The following BMF variants were observed in gnomAD, a reference collection of about 807,000 sequenced individuals.
BMF encodes the protein Bcl2 modifying factor.
A neutral mutation model predicts 22.0 loss-of-function variants in BMF; 10 were observed. The ratio of observed to expected loss-of-function variants is 0.45; its 90% confidence interval spans 0.28 to 0.77. The LOEUF (loss-of-function observed/expected upper bound fraction) is 0.77, where lower values mean the gene tolerates loss of function less well. Among genes scored for constraint, BMF ranks in the 30% least tolerant of loss-of-function variants. The pLI, the probability that BMF is intolerant of heterozygous loss-of-function variation, is 0.13. For synonymous variants in BMF, 87 were observed against 88.1 expected (o/e 0.99, Z 0.07); for missense variants, 206 against 226.8 (o/e 0.91, Z 0.59).
chr15:40,097,113 G>T (rs761487608), intron 4 of BMF, among the ~76,000 whole-genome samples: 1 of 152,172 alleles, frequency 6.6e-6, no homozygotes. Context: ...AGGAAGCTAG[G>T]AAGATGTTTT....
intron 3 of BMF, among the ~76,000 whole-genome samples, chr15:40,104,678 C>T (rs1309621981): frequency 2.0e-5 from 3 of 152,192 alleles, no homozygotes; most frequent in Non-Finnish European, 4.4e-5. Context: ...TGGTTATTCA[C>T]GTAGTAGCAG....
intron 4 of BMF, 90 bp from the exon 5 acceptor site, chr15:40,091,978 C>G: frequency 3.0e-6 from 3 of 1,015,428 alleles, no homozygotes; most frequent in Non-Finnish European, 4.5e-6. Flanking sequence ...TTCAGATCTC[C>G]AAGTCTCACG....
At chr15:40,107,834 A>C (rs2036619900) in intron 2 of BMF, among the ~76,000 whole-genome samples, 1 of 151,690 alleles carries the variant, frequency 6.6e-6, no homozygotes, top group African/African-American at 2.4e-5. Flanking sequence ...CCAAAGTTCA[A>C]CCTTTGCCTG....
chr15:40,104,462 C>G, intron 3 of BMF, 122 bp from the exon 4 acceptor site: 1 of 1,278,752 alleles, frequency 7.8e-7, no homozygotes, highest in Non-Finnish European at 1.1e-6. Flanking sequence ...AGGATAGGAG[C>G]CAGCCTGCCT....
intron 4 of BMF, among the ~76,000 whole-genome samples, chr15:40,096,551 A>G (rs920587676): frequency 6.6e-6 from 1 of 152,250 alleles, no homozygotes; most frequent in Non-Finnish European, 1.5e-5. Flanking sequence ...CACGATAGGA[A>G]GAGCAGGTAT....
chr15:40,095,043 C>G (rs1241254616), intron 4 of BMF, among the ~76,000 whole-genome samples: 1 of 152,184 alleles, frequency 6.6e-6, no homozygotes, highest in Non-Finnish European at 1.5e-5. Context: ...TTGTCATCCA[C>G]GACTACCTTC....
intron 2 of BMF, among the ~76,000 whole-genome samples, chr15:40,107,533 AGTGTGTGTGTGTGTGTGTGT>A (rs58296260): frequency 4.4e-5 from 6 of 137,508 alleles, no homozygotes; most frequent in African/African-American, 1.7e-4. Flanking sequence ...GTGTTTCCCA[AGTGTGTGTGTGTGTGTGTGT>A]GTGTGTGTGT....
At chr15:40,100,984 C>T (rs928438239) in intron 4 of BMF, among the ~76,000 whole-genome samples, 1 of 152,164 alleles carries the variant, frequency 6.6e-6, no homozygotes, top group Non-Finnish European at 1.5e-5. Flanking sequence ...GGAAAGGTGA[C>T]GGTCAGGCCT....
chr15:40,091,082 G>C lies in BMF; in HGVS notation c.*705C>G, dbSNP rs1281989661. On this transcript the variant is annotated 3_prime_UTR_variant, in exon 5 of 5. Coordinates refer to ENST00000354670, the MANE Select transcript of BMF (RefSeq NM_001003940.2). ...GGGGCCTCCAAGTGGGACCAAGTCA[G>C]TTTTGAGGCCTAGCCAGAAGTTTGG... The C allele has an allele frequency of 6.5e-6, 1 of 152,736 alleles. No individual in the cohort carries two copies. Among genetic ancestry groups the C allele is most frequent in the Non-Finnish European group, 1.5e-5 (1 of 68,106 alleles). The allele number at this position is 152,736 out of a possible 1,614,324, so 9.5% of individuals were successfully genotyped here.
At chr15:40,095,830 A>G (rs574304006) in intron 4 of BMF, among the ~76,000 whole-genome samples, 10 of 152,330 alleles carry the variant, frequency 6.6e-5, no homozygotes, top group Admixed American at 6.5e-4. Context: ...TCAGAGCCCC[A>G]TGCGGCTTCT....
At chr15:40,092,845 A>G (rs2036270980) in intron 4 of BMF, among the ~76,000 whole-genome samples, 1 of 151,782 alleles carries the variant, frequency 6.6e-6, no homozygotes, top group Non-Finnish European at 1.5e-5. Context: ...TTTGTCTGCC[A>G]GGGCAGGAGG....
At chr15:40,099,761 G>A (rs1442784900) in intron 4 of BMF, among the ~76,000 whole-genome samples, 1 of 102,056 alleles carries the variant, frequency 9.8e-6, no homozygotes, top group Non-Finnish European at 1.8e-5. Flanking sequence ...TTGGCAAGAA[G>A]AACGAAACGC....
At chr15:40,104,118 G>A (rs1338576688) in intron 4 of BMF, 62 bp downstream of exon 4, 3 of 1,591,682 alleles carry the variant, frequency 1.9e-6, no homozygotes, top group Non-Finnish European at 2.6e-6. Context: ...GAGGAGAGAG[G>A]CAGGCCCTGG....
rs112810283 is a variant in BMF, at chr15:40,105,765, G to A, written c.292+30C>T. 1.1e-3 allele frequency: 1,648 copies of A among 1,563,008 alleles called. 19 individuals carry two copies. The African/African-American group carries it at 0.02, about 19-fold the overall frequency. ...TCCCCTCTTTTCCCCCAGTCTCTAT[G>A]GGAGGAGTCTTGAGGCTGAGAGCAC... On this transcript the variant is annotated intron_variant, in intron 3 of 4. Coordinates refer to ENST00000354670, the MANE Select transcript of BMF (RefSeq NM_001003940.2).
rs2036194697 is a variant in BMF, at chr15:40,089,480, G to A, written c.*2307C>T. Reference sequence around the variant, plus strand: ...AGTTCCTGGCTTTGCATAAGATGGAGACAGTGCAGTCAGACCACCTTCCAC... The same window carrying A: ...AGTTCCTGGCTTTGCATAAGATGGAAACAGTGCAGTCAGACCACCTTCCAC... On this transcript the variant is annotated 3_prime_UTR_variant, in exon 5 of 5. Coordinates refer to ENST00000354670, the MANE Select transcript of BMF (RefSeq NM_001003940.2). 6.6e-6 allele frequency: 1 copy of A among 152,218 alleles called. No homozygotes were observed. The highest frequency in any genetic ancestry group is 2.4e-5 in the African/African-American group (1 of 41,428). 9.4% of individuals were successfully genotyped at this position (152,218 alleles called of 1,614,324 possible).
chr15:40,100,175 TG>T (rs2036447582), intron 4 of BMF, among the ~76,000 whole-genome samples: 1 of 152,208 alleles, frequency 6.6e-6, no homozygotes, highest in East Asian at 1.9e-4. Context: ...GATGGGCCAC[TG>T]GGACAGAAGA....
Position 40,104,196 on chromosome 15 carries a change from C to T in BMF, c.437G>A (p.Arg146Gln), listed in dbSNP as rs767889296. The T allele has an allele frequency of 5.9e-5, 96 of 1,614,104 alleles. No homozygotes were observed. The highest frequency in any genetic ancestry group is 7.4e-5 in the Non-Finnish European group (87 of 1,180,042). ...CGTGCCTACTTGCTGCACATGAAGCCGGTGGAACTGGTCTGCAATGCACTG... is the reference window on the plus strand; with the variant it reads ...CGTGCCTACTTGCTGCACATGAAGCTGGTGGAACTGGTCTGCAATGCACTG... ...KLQCIADQFH[R>Q]LHVQQHQQNQ... Residue 146 changes from arginine (R) to glutamine (Q), a missense_variant, in exon 4 of 5, where the codon CGG becomes CAG. By Grantham distance (43) the Arg-to-Gln change is conservative. Coordinates refer to ENST00000354670, the MANE Select transcript of BMF (RefSeq NM_001003940.2).
At chr15:40,107,409 G>C (rs575489187) in intron 2 of BMF, among the ~76,000 whole-genome samples, 2 of 152,186 alleles carry the variant, frequency 1.3e-5, no homozygotes, top group African/African-American at 4.8e-5. Context: ...CCCTGCCTTC[G>C]TCCCATCCCA....
chr15:40,096,874 TA>T (rs2036372881), intron 4 of BMF, among the ~76,000 whole-genome samples: 1 of 152,114 alleles, frequency 6.6e-6, no homozygotes, highest in African/African-American at 2.4e-5. Context: ...GAAATAAAGC[TA>T]AAACTGGTCT....
Sources: gnomAD v4.1 joint callset for allele counts (sites outside exome capture counted in the v4.1 genomes callset) on GRCh38, gnomAD v4.1.1 for gene constraint, MANE v1.5 for transcripts, NCBI Gene and HGNC (gene_info 2026-07-23, HGNC 2026-07-21) for gene names.